The following COL25A1 variants were observed in gnomAD, a reference collection of about 807,000 sequenced individuals.
COL25A1 encodes the protein collagen type XXV alpha 1 chain.
COL25A1 carries 103 observed loss-of-function variants against 128.4 expected under a neutral mutation model. The observed-to-expected ratio is 0.80, with a 90% CI of 0.68 to 0.94. COL25A1 has a LOEUF of 0.94. COL25A1 is among the 40% of genes least tolerant of loss of function. The pLI, the probability that COL25A1 is intolerant of heterozygous loss-of-function variation, is 0.00. For synonymous variants in COL25A1, 279 were observed against 277.2 expected, an observed-to-expected ratio of 1.01 and a Z score of -0.06; for missense variants, 745 against 840.0, an observed-to-expected ratio of 0.89 and a Z score of 1.40.
intron 19 of COL25A1, among the ~76,000 whole-genome samples, chr4:108,872,998 T>G (rs531868197): frequency 1.3e-5 from 2 of 152,098 alleles, no homozygotes; most frequent in South Asian, 4.1e-4. Flanking sequence ...GCTCAAAGGA[T>G]CGTCCCACCT....
intron 3 of COL25A1, among the ~76,000 whole-genome samples, chr4:109,084,732 G>A (rs1764204429): frequency 6.6e-6 from 1 of 152,172 alleles, no homozygotes; most frequent in African/African-American, 2.4e-5. Context: ...CATTTAGAAT[G>A]CAAAATCAAT....
At chr4:108,932,497 A>T (rs558918069) in intron 11 of COL25A1, among the ~76,000 whole-genome samples, 1 of 152,304 alleles carries the variant, frequency 6.6e-6, no homozygotes, top group African/African-American at 2.4e-5. Context: ...CCAATGAGGA[A>T]CACTTTAAGT....
At chr4:109,077,318 T>C (rs1405911189) in intron 3 of COL25A1, among the ~76,000 whole-genome samples, 2 of 152,178 alleles carry the variant, frequency 1.3e-5, no homozygotes, top group Non-Finnish European at 1.5e-5. Flanking sequence ...GACCAAGCAC[T>C]GCTCTAGGGA....
chr4:108,970,423 T>C (rs766935213), intron 8 of COL25A1, among the ~76,000 whole-genome samples: 1 of 152,206 alleles, frequency 6.6e-6, no homozygotes, highest in Non-Finnish European at 1.5e-5. Context: ...TTTAGGGTCC[T>C]TTTTAAAACT....
intron 6 of COL25A1, among the ~76,000 whole-genome samples, chr4:109,002,657 T>C (rs1755558668): frequency 6.6e-6 from 1 of 152,216 alleles, no homozygotes; most frequent in East Asian, 1.9e-4. Flanking sequence ...AATTTGATTG[T>C]TATAATATTG....
chr4:108,981,693 T>C (rs1362630332), intron 6 of COL25A1, among the ~76,000 whole-genome samples: 1 of 152,180 alleles, frequency 6.6e-6, no homozygotes, highest in Non-Finnish European at 1.5e-5. Context: ...TTTAAATGGT[T>C]AATTAATCTC....
chr4:108,843,807 C>T (rs1212185096), intron 30 of COL25A1, among the ~76,000 whole-genome samples: 1 of 152,068 alleles, frequency 6.6e-6, no homozygotes, highest in Non-Finnish European at 1.5e-5. Context: ...ATACCTTATA[C>T]ATAAATGTTC....
chr4:108,875,249 G>T (rs1739302902), intron 19 of COL25A1, among the ~76,000 whole-genome samples: 1 of 152,276 alleles, frequency 6.6e-6, no homozygotes, highest in South Asian at 2.1e-4. Context: ...CACGGCAAAA[G>T]AAACTACCAC....
chr4:108,834,476 G>GT, intron 31 of COL25A1: 3 of 1,174,214 alleles, frequency 2.6e-6, no homozygotes, highest in Non-Finnish European at 3.7e-6. Context: ...ATGAACAAAT[G>GT]TAACACTTCA....
rs796809763 is a variant in COL25A1 at position 108,836,953 on chromosome 4, C to A, written c.1657-4520G>T. Among the ~76,000 whole-genome samples, 75 of 152,184 alleles carry A rather than the reference C, an allele frequency of 4.9e-4. 1 individual carries two copies. The highest frequency in any genetic ancestry group is 1.7e-3 in the African/African-American group (71 of 41,530). On this transcript the variant is annotated intron_variant, in intron 31 of 37. Transcript: ENST00000399132. ...ACTTAGCTGGGCATGGTGGCATGCA[C>A]CTGTAGTCCCAGCTACTCAGGAGGC... is the stretch of plus-strand genomic sequence containing the variant.
chr4:109,235,084 C>A (rs1211863999), intron 3 of COL25A1, among the ~76,000 whole-genome samples: 1 of 152,044 alleles, frequency 6.6e-6, no homozygotes, highest in Non-Finnish European at 1.5e-5. Flanking sequence ...GGAGCTCCTC[C>A]CAAAAGCTCC....
intron 16 of COL25A1, among the ~76,000 whole-genome samples, chr4:108,891,014 C>T (rs770963854): frequency 6.6e-6 from 1 of 152,184 alleles, no homozygotes; most frequent in Non-Finnish European, 1.5e-5. Flanking sequence ...TATTTATGTT[C>T]CCTGCCTATT....
chr4:109,181,203 A>T (rs1274562005), intron 3 of COL25A1, among the ~76,000 whole-genome samples: 1 of 152,110 alleles, frequency 6.6e-6, no homozygotes, highest in African/African-American at 2.4e-5. Flanking sequence ...TTATATGTAT[A>T]TGATTGGGGT....
At chr4:108,949,655 C>T (rs1379820497) in intron 8 of COL25A1, among the ~76,000 whole-genome samples, 1 of 152,004 alleles carries the variant, frequency 6.6e-6, no homozygotes, top group East Asian at 1.9e-4. Flanking sequence ...TGCCTCAGCC[C>T]CTCAAGTAGC....
chr4:109,202,730 C>T (rs972610843), intron 3 of COL25A1, among the ~76,000 whole-genome samples: 5 of 152,058 alleles, frequency 3.3e-5, no homozygotes, highest in African/African-American at 4.8e-5. Flanking sequence ...GATTATCTAT[C>T]GATCAATTGA....
intron 33 of COL25A1, among the ~76,000 whole-genome samples, chr4:108,826,831 T>C (rs1038461338): frequency 6.6e-6 from 1 of 150,930 alleles, no homozygotes; most frequent in African/African-American, 2.5e-5. Flanking sequence ...AGTCAGATGA[T>C]GTAGGGAGGG....
chr4:109,294,572 G>C (rs991207683), intron 3 of COL25A1, among the ~76,000 whole-genome samples: 1 of 152,010 alleles, frequency 6.6e-6, no homozygotes, highest in African/African-American at 2.4e-5. Context: ...CCACCACATG[G>C]AACTTCACCC....
At chr4:108,894,195 T>G (rs1364916428) in intron 16 of COL25A1, among the ~76,000 whole-genome samples, 1 of 152,206 alleles carries the variant, frequency 6.6e-6, no homozygotes, top group Non-Finnish European at 1.5e-5. Flanking sequence ...AGAAAAAAGC[T>G]GTTTTACCAT....
At chr4:109,257,248 T>C (rs953478667) in intron 3 of COL25A1, among the ~76,000 whole-genome samples, 4 of 152,226 alleles carry the variant, frequency 2.6e-5, no homozygotes, top group Admixed American at 2.0e-4. Flanking sequence ...AATGTGAAGA[T>C]AAATTTTCAC....
Sources: gnomAD v4.1 joint callset for allele counts (sites outside exome capture counted in the v4.1 genomes callset) on GRCh38, gnomAD v4.1.1 for gene constraint, MANE v1.5 for transcripts, NCBI Gene and HGNC (gene_info 2026-07-23, HGNC 2026-07-21) for gene names.